The following SPG7 variants were observed in gnomAD, a reference collection of about 807,000 sequenced individuals.
The protein encoded by SPG7 is SPG7 matrix AAA peptidase subunit, paraplegin, also known as mitochondrial inner membrane m-AAA protease component paraplegin.
SPG7 carries 103 observed loss-of-function variants against 81.9 expected under a neutral mutation model. The ratio of observed to expected loss-of-function variants is 1.26; its 90% CI spans 1.07 to 1.48. The LOEUF (loss-of-function observed/expected upper bound fraction) is 1.48. Ranked by LOEUF, SPG7 falls within the 40% of genes most tolerant of loss-of-function variation. SPG7 has a pLI of 0.00. For synonymous variants in SPG7, 534 were observed against 444.2 expected (o/e 1.20, Z -2.54); for missense variants, 1,241 against 1,087.3 (o/e 1.14, Z -1.99).
chr16:89,530,895 C>G (rs2058332772), intron 7 of SPG7, 87 bp downstream of exon 7: 1 of 1,577,920 alleles, frequency 6.3e-7, no homozygotes, highest in African/African-American at 1.3e-5. Flanking sequence ...ACCTGGAATT[C>G]CATCGATGAC....
At position 89,550,847 on chromosome 16, in the gene SPG7, A is replaced by G. The variant is rs17177403; in HGVS notation, c.1779+238A>G. Among the ~76,000 whole-genome samples the G allele has an allele frequency of 0.016, 2,512 of 152,320 alleles. 109 individuals are homozygous for G. The highest frequency in any genetic ancestry group is 0.14 in the East Asian group (730 of 5,174). On this transcript the variant is annotated intron_variant, in intron 13 of 16. Transcript: ENST00000645818. ...GGGAGGCAGGAGTGGGCTGTGTCAC[A>G]TCGGAGCATGGTGCTGCTACTGGGG...
chr16:89,536,726 T>C lies in SPG7; in HGVS notation c.1324+4090T>C, dbSNP rs751057040. 68 of 1,611,634 alleles carry C rather than the reference T, an allele frequency of 4.2e-5. 1 individual carries two copies. The South Asian group carries it at 7.1e-4, about 17-fold the overall frequency. ...TGGCTGTGTGGCGTGGACACCAAGG[T>C]CTTCGTCCTGTGAGTCTGCGGCCTT... is the stretch of plus-strand genomic sequence containing the variant. On this transcript the variant is annotated intron_variant, in intron 9 of 16. Transcript: ENST00000645818.
Position 89,553,815 on chromosome 16 carries a change from A to T in SPG7, c.1958A>T (p.Lys653Met). The T allele has an allele frequency of 6.2e-7, 1 of 1,613,508 alleles. No individual in the cohort carries two copies. The highest frequency in any genetic ancestry group is 8.5e-7 in the Non-Finnish European group (1 of 1,180,014). Reference sequence around the variant, plus strand: ...CCAGGGGCACAGGACGACCTGAGGAAGGTCACCCGCATCGCCTACTCCATG... The same window carrying T: ...CCAGGGGCACAGGACGACCTGAGGATGGTCACCCGCATCGCCTACTCCATG... ...VTSGAQDDLR[K>M]VTRIAYSMVK... Residue 653 changes from lysine (K) to methionine (M), a missense_variant, in exon 15 of 17, where the codon AAG (lysine) becomes ATG (methionine). Lys to Met is a moderately conservative substitution (Grantham distance 95). Transcript: ENST00000645818.
intron 10 of SPG7, chr16:89,546,039 CA>C (rs1299168395): frequency 2.3e-4 from 85 of 365,318 alleles, no homozygotes; most frequent in Non-Finnish European, 3.7e-4. Context: ...AGGCTGGTGT[CA>C]AACCCCTGGC....
At chr16:89,516,157 T>G (rs954813491) in intron 3 of SPG7, among the ~76,000 whole-genome samples, 4 of 152,018 alleles carry the variant, frequency 2.6e-5, no homozygotes, top group African/African-American at 9.7e-5. Context: ...CCAGCTAATT[T>G]TTGTAGTTTT....
intron 1 of SPG7, 69 bp downstream of exon 1, chr16:89,508,669 G>T (rs2057965703): frequency 1.4e-6 from 2 of 1,392,082 alleles, no homozygotes; most frequent in African/African-American, 1.5e-5. Context: ...GCCCGGCGGG[G>T]CGGGTCGGAG....
intron 1 of SPG7, among the ~76,000 whole-genome samples, chr16:89,509,462 G>C (rs892535013): frequency 6.6e-6 from 1 of 152,134 alleles, no homozygotes; most frequent in Admixed American, 6.6e-5. Flanking sequence ...TGTTGGCCAG[G>C]ATGGTCTCCA....
chr16:89,556,547 TCTC>T, intron 16 of SPG7: 1 of 384,020 alleles, frequency 2.6e-6, no homozygotes, highest in Non-Finnish European at 4.9e-6. Flanking sequence ...CCAGTGCTGC[TCTC>T]CTCAATCAGG....
At chr16:89,548,800 C>G (rs193059985) in intron 12 of SPG7, 1 of 385,886 alleles carries the variant, frequency 2.6e-6, no homozygotes, top group Non-Finnish European at 5.3e-6. Context: ...TCAGTCATCT[C>G]ATGGAATGGA....
At chr16:89,527,432 T>G (rs75747598) in intron 5 of SPG7, 1 of 152,356 alleles carries the variant, frequency 6.6e-6, no homozygotes, top group Non-Finnish European at 1.5e-5. Flanking sequence ...ATAACAACGT[T>G]CAGCTTTTTC....
At chr16:89,537,401 G>T in intron 9 of SPG7, 1 of 1,064,844 alleles carries the variant, frequency 9.4e-7, no homozygotes, top group Non-Finnish European at 1.1e-6. Flanking sequence ...GACCACACGC[G>T]GGAGCTGCGG....
intron 3 of SPG7, chr16:89,521,278 G>T (rs2058184364): frequency 6.6e-6 from 1 of 152,282 alleles, no homozygotes; most frequent in African/African-American, 2.4e-5. Flanking sequence ...TGTGGCCTCA[G>T]CGTCTTGTTG....
chr16:89,536,622 T>C (rs1344351701), intron 9 of SPG7: 1 of 795,838 alleles, frequency 1.3e-6, no homozygotes, highest in South Asian at 1.7e-5. Context: ...GTGAGGCGGG[T>C]GAGGGCGGGT....
rs977393324 is a variant in SPG7, at chr16:89,557,505, A to G, written c.*412A>G. On this transcript the variant is annotated 3_prime_UTR_variant, in exon 17 of 17. Coordinates refer to ENST00000645818, the MANE Select transcript of SPG7 (RefSeq NM_003119.4). ...GTGGCTCCCTCGGAATGCTAAGGGG[A>G]TCGGACATGAAAGGACCCTGTGAGC... 2.7e-5 allele frequency: 7 copies of G among 260,364 alleles called. No homozygotes were observed. The highest frequency in any genetic ancestry group is 1.3e-4 in the African/African-American group (6 of 44,864). The allele number at this position is 260,364 out of a possible 1,614,324, so 16.1% of individuals were successfully genotyped here.
intron 3 of SPG7, chr16:89,520,731 A>AG (rs2058177400): frequency 6.6e-6 from 1 of 151,574 alleles, no homozygotes; most frequent in Non-Finnish European, 1.5e-5. Flanking sequence ...CCCCCTGTAG[A>AG]GATGGGTTTT....
At chr16:89,511,140 GTT>G (rs1567894445) in intron 2 of SPG7, among the ~76,000 whole-genome samples, 2 of 152,164 alleles carry the variant, frequency 1.3e-5, no homozygotes, top group Non-Finnish European at 2.9e-5. Flanking sequence ...ATCTGGCCAA[GTT>G]GTCCTTTTTT....
rs565415569 is a variant in SPG7, at chr16:89,541,370, C to T, written c.1325-3278C>T. ...AAGTGAGAAGAGCCAGGCTTAGTAT[C>T]GTATGACTCCACTTGTACGAAATTG... On this transcript the variant is annotated intron_variant, in intron 9 of 16. Transcript: ENST00000645818. 2.0e-5 allele frequency: 19 copies of T among 951,916 alleles called. No homozygotes were observed. In the African/African-American group the frequency reaches 2.5e-4, roughly 12 times the overall value. The allele number at this position is 951,916 out of a possible 1,614,324, so 59.0% of individuals were successfully genotyped here.
chr16:89,508,733 C>T (rs1346344981), intron 1 of SPG7, 133 bp downstream of exon 1: 4 of 976,452 alleles, frequency 4.1e-6, no homozygotes, highest in Non-Finnish European at 4.7e-6. Flanking sequence ...GCGGATCCCC[C>T]AGCTGTGGAC....
chr16:89,508,431 T>C lies in SPG7; in HGVS notation c.14T>C (p.Leu5Pro), dbSNP rs1488107055. Residue 5 changes from leucine (L) to proline (P), a missense_variant, in exon 1 of 17, where the codon CTG becomes CCG. By Grantham distance (98) the Leu-to-Pro change is moderately conservative (BLOSUM62 -3). Coordinates refer to ENST00000645818, the MANE Select transcript of SPG7 (RefSeq NM_003119.4). Reference sequence around the variant, plus strand: ...TTTCAGGCCAACATGGCCGTGCTGCTGCTGCTGCTCCGTGCCCTCCGCCGG... The same window carrying C: ...TTTCAGGCCAACATGGCCGTGCTGCCGCTGCTGCTCCGTGCCCTCCGCCGG... Reference protein sequence around the residue: MAVLLLLLRALRRGP... With the variant: MAVLPLLLRALRRGP... 2 of 1,492,794 alleles carry C rather than the reference T, an allele frequency of 1.3e-6. No individual in the cohort carries two copies. The highest frequency in any genetic ancestry group is 2.2e-5 in the Admixed American group (1 of 46,150). 92.5% of individuals were successfully genotyped at this position (1,492,794 alleles called of 1,614,324 possible).
Sources: gnomAD v4.1 joint callset for allele counts (sites outside exome capture counted in the v4.1 genomes callset) on GRCh38, gnomAD v4.1.1 for gene constraint, MANE v1.5 for transcripts, NCBI Gene and HGNC (gene_info 2026-07-23, HGNC 2026-07-21) for gene names.